The following PTDSS1 variants were observed in gnomAD, a reference collection of about 807,000 sequenced individuals.
PTDSS1 encodes the protein phosphatidylserine synthase 1.
Under a neutral mutation model 70.5 loss-of-function variants are expected in PTDSS1, and 45 were observed. The ratio of observed to expected loss-of-function variants is 0.64; its 90% CI spans 0.50 to 0.82. The LOEUF is 0.82. Among genes scored for constraint, PTDSS1 ranks in the 40% least tolerant of loss-of-function variants. The pLI, the probability that PTDSS1 is intolerant of heterozygous loss-of-function variation, is 0.00. For synonymous variants in PTDSS1, 188 were observed against 203.8 expected, an observed-to-expected ratio of 0.92 and a Z score of 0.66; for missense variants, 417 against 586.1, an observed-to-expected ratio of 0.71 and a Z score of 2.98.
rs1436935923 is a variant in PTDSS1, at chr8:96,262,090, A to G, written c.50A>G (p.Tyr17Cys). The change falls in exon 1 of 13, where the codon TAC becomes TGC. Residue 17 changes from tyrosine (Y) to cysteine (C), a missense_variant. By Grantham distance (194) the Tyr-to-Cys change is radical. Transcript: ENST00000517309. The surrounding 1 kb of genome is among the most constrained non-coding windows in gnomAD (Gnocchi z 4.4). ...ACCCTAAGCAAGGATGATGTGAACTACAAAATGCATTTCCGGATGATCAAC... is the reference window on the plus strand; with the variant it reads ...ACCCTAAGCAAGGATGATGTGAACTGCAAAATGCATTTCCGGATGATCAAC... ...SRTLSKDDVN[Y>C]KMHFRMINEQ... 1 of 1,613,866 alleles carries G rather than the reference A, an allele frequency of 6.2e-7. No homozygotes were observed. Among genetic ancestry groups the G allele is most frequent in the South Asian group, 1.1e-5 (1 of 91,086 alleles).
At chr8:96,317,909 G>GTGTGTGTGTGTATA in intron 9 of PTDSS1, among the ~76,000 whole-genome samples, 1 of 116,940 alleles carries the variant, frequency 8.6e-6, no homozygotes, top group Non-Finnish European at 1.9e-5. Context: ...GTGTGTGTGT[G>GTGTGTGTGTGTATA]TGTGTGTGTG....
chr8:96,275,129 G>C (rs1441189941), intron 2 of PTDSS1, among the ~76,000 whole-genome samples: 1 of 152,060 alleles, frequency 6.6e-6, no homozygotes, highest in Non-Finnish European at 1.5e-5. Flanking sequence ...TGTTGACCCT[G>C]CTATTGAATT....
Position 96,262,287 on chromosome 8 carries a change from G to A in PTDSS1, c.179+68G>A. ...GGAAGAGGCGGGAGGGAGGGTGGCGGGGAGGGGGGCCCGGCATGGCTCTGG... is the reference window on the plus strand; with the variant it reads ...GGAAGAGGCGGGAGGGAGGGTGGCGAGGAGGGGGGCCCGGCATGGCTCTGG... On this transcript the variant is annotated intron_variant, in intron 1 of 12. Transcript: ENST00000517309. The surrounding 1 kb of genome is among the most constrained non-coding windows in gnomAD (Gnocchi z 4.4). 6 of 1,463,866 alleles carry A rather than the reference G, an allele frequency of 4.1e-6. No homozygotes were observed. The highest frequency in any genetic ancestry group is 1.2e-5 in the South Asian group (1 of 82,748). 90.7% of individuals were successfully genotyped at this position (1,463,866 alleles called of 1,614,324 possible).
chr8:96,309,629 A>G lies in PTDSS1; in HGVS notation c.1073+7A>G. 2 of 1,613,900 alleles carry G rather than the reference A, an allele frequency of 1.2e-6. No homozygotes were observed. Among genetic ancestry groups the G allele is most frequent in the South Asian group, 1.1e-5 (1 of 91,064 alleles). ...CACAATGCTGGGTGTTTGGGTGAGT[A>G]ATCTGTTATTGTGGAGATTTAAAAA... On this transcript the variant is annotated splice_region_variant and intron_variant, in intron 9 of 12. Coordinates refer to ENST00000517309, the MANE Select transcript of PTDSS1 (RefSeq NM_014754.3).
chr8:96,306,622 A>C (rs991429560), intron 8 of PTDSS1, 66 bp downstream of exon 8: 30 of 1,262,500 alleles, frequency 2.4e-5, no homozygotes, highest in Middle Eastern at 3.7e-4. Flanking sequence ...CCTGTTTAGC[A>C]TAAGGAAAGT....
At chr8:96,305,401 C>A (rs1422048503) in intron 7 of PTDSS1, among the ~76,000 whole-genome samples, 1 of 152,196 alleles carries the variant, frequency 6.6e-6, no homozygotes, top group Admixed American at 6.5e-5. Flanking sequence ...GTTCTCCTAG[C>A]ACAGTGACCG....
At chr8:96,323,441 C>G (rs1182345925) in intron 10 of PTDSS1, among the ~76,000 whole-genome samples, 1 of 152,194 alleles carries the variant, frequency 6.6e-6, no homozygotes, top group African/African-American at 2.4e-5. Flanking sequence ...ACAGCTCTTG[C>G]GTTTTGCATA....
At chr8:96,263,732 C>T (rs970095383) in intron 1 of PTDSS1, among the ~76,000 whole-genome samples, 2 of 152,160 alleles carry the variant, frequency 1.3e-5, no homozygotes, top group African/African-American at 4.8e-5. Flanking sequence ...TTAACGGATA[C>T]TAAATGTATT....
At chr8:96,316,975 CAG>C (rs1347214694) in intron 9 of PTDSS1, among the ~76,000 whole-genome samples, 1 of 151,516 alleles carries the variant, frequency 6.6e-6, no homozygotes, top group African/African-American at 2.4e-5. Flanking sequence ...GCCTGGGTGA[CAG>C]AGTGAGACTC....
chr8:96,330,135 G>A, intron 10 of PTDSS1, 78 bp from the exon 11 acceptor site: 6 of 1,348,136 alleles, frequency 4.5e-6, no homozygotes, highest in Non-Finnish European at 6.4e-6. Flanking sequence ...GAACGGTCCT[G>A]CATTGATTCC....
intron 10 of PTDSS1, among the ~76,000 whole-genome samples, chr8:96,327,246 A>G (rs1300233537): frequency 6.6e-6 from 1 of 152,158 alleles, no homozygotes; most frequent in African/African-American, 2.4e-5. Flanking sequence ...GAGCTCAGGG[A>G]ACATGCCTCT....
chr8:96,295,392 A>C (rs1055968873), intron 5 of PTDSS1, 136 bp downstream of exon 5: 2 of 949,698 alleles, frequency 2.1e-6, no homozygotes, highest in Non-Finnish European at 2.8e-6. Context: ...AAACCATCCC[A>C]TAAGAATATT....
intron 1 of PTDSS1, among the ~76,000 whole-genome samples, chr8:96,271,230 C>T (rs1337447022): frequency 3.3e-5 from 5 of 152,166 alleles, no homozygotes; most frequent in African/African-American, 9.7e-5. Context: ...CAAGCATAAG[C>T]ATAAATTATA....
chr8:96,299,799 G>T lies in PTDSS1; in HGVS notation c.706G>T (p.Val236Phe). The part of the protein sequence containing the change: ...NGGGIWLGMV[V>F]CRFLEMRTYH... ...CGGTGGCATTTGGCTGGGCATGGTC[G>T]TTTGCCGGTTTTTAGAGATGAGGAC... Residue 236 changes from valine to phenylalanine, a missense_variant, in exon 6 of 13, where the codon GTT (valine) becomes TTT (phenylalanine). This residue lies in a region of PTDSS1 where 272 missense variants were observed against 429.5 expected (regional missense o/e 0.63). Transcript: ENST00000517309. The T allele has an allele frequency of 3.7e-6, 6 of 1,614,020 alleles. No homozygotes were observed. The highest frequency in any genetic ancestry group is 5.1e-6 in the Non-Finnish European group (6 of 1,179,978).
chr8:96,324,329 C>A (rs1270012970), intron 10 of PTDSS1, among the ~76,000 whole-genome samples: 2 of 152,200 alleles, frequency 1.3e-5, no homozygotes, highest in African/African-American at 4.8e-5. Flanking sequence ...ATTCTTTCAG[C>A]CTCTACCCAT....
chr8:96,271,089 G>A (rs1374629646), intron 1 of PTDSS1, among the ~76,000 whole-genome samples: 1 of 152,148 alleles, frequency 6.6e-6, no homozygotes, highest in Non-Finnish European at 1.5e-5. Flanking sequence ...CACGTCGCTT[G>A]AAGTCCAAGA....
chr8:96,330,168 G>A (rs1368234923), intron 10 of PTDSS1, 45 bp from the exon 11 acceptor site: 2 of 1,542,550 alleles, frequency 1.3e-6, no homozygotes, highest in East Asian at 2.2e-5. Flanking sequence ...GAAGTTCTGG[G>A]AAATTGAACT....
intron 1 of PTDSS1, among the ~76,000 whole-genome samples, chr8:96,265,745 G>A (rs114656660): frequency 3.9e-5 from 6 of 152,164 alleles, no homozygotes; most frequent in East Asian, 1.9e-4. Flanking sequence ...CTACTCACTC[G>A]ACAGAATGAG....
chr8:96,323,291 C>T (rs979910089), intron 10 of PTDSS1, among the ~76,000 whole-genome samples: 3 of 152,224 alleles, frequency 2.0e-5, no homozygotes, highest in African/African-American at 7.2e-5. Flanking sequence ...TCTCTGGTGG[C>T]TCCAACCCCA....
Sources: allele counts gnomAD v4.1 joint callset (sites outside exome capture counted in the v4.1 genomes callset), GRCh38; gene constraint gnomAD v4.1.1; regional missense constraint gnomAD v4.1.1; non-coding constraint Gnocchi (gnomAD v3.1); transcripts MANE v1.5; gene names NCBI Gene and HGNC (gene_info 2026-07-23, HGNC 2026-07-21).